ACAP2: variants seen among roughly 807,000 people sequenced by gnomAD.
ACAP2 encodes the protein ArfGAP with coiled-coil, ankyrin repeat and PH domains 2.
Under a neutral mutation model 115.8 loss-of-function variants are expected in ACAP2, and 39 were observed. The ratio of observed to expected loss-of-function variants is 0.34; its 90% confidence interval spans 0.26 to 0.44. The LOEUF (loss-of-function observed/expected upper bound fraction) is 0.44. Among genes scored for constraint, ACAP2 ranks in the 20% least tolerant of loss-of-function variants. ACAP2 has a pLI of 1.00. For synonymous variants in ACAP2, 289 were observed against 315.8 expected, an observed-to-expected ratio of 0.92 and a Z score of 0.90; for missense variants, 662 against 927.6, an observed-to-expected ratio of 0.71 and a Z score of 3.72.
At chr3:195,441,043 GA>G (rs1715953278) in intron 1 of ACAP2, among the ~76,000 whole-genome samples, 1 of 151,364 alleles carries the variant, frequency 6.6e-6, no homozygotes, top group South Asian at 2.1e-4. Flanking sequence ...TATATTCAAT[GA>G]TTTCTTTATT....
At chr3:195,369,474 A>G (rs2108723415) in intron 4 of ACAP2, among the ~76,000 whole-genome samples, 1 of 152,192 alleles carries the variant, frequency 6.6e-6, no homozygotes, top group East Asian at 1.9e-4. Context: ...TTGTGTCCAC[A>G]TGTTCTCATT....
At chr3:195,299,590 G>A (rs1252321073) in intron 15 of ACAP2, among the ~76,000 whole-genome samples, 4 of 150,850 alleles carry the variant, frequency 2.7e-5, no homozygotes, top group Non-Finnish European at 2.9e-5. Context: ...TGTAATCCCA[G>A]CACTTTGGGA....
At chr3:195,317,356 T>A (rs879842782) in intron 10 of ACAP2, among the ~76,000 whole-genome samples, 5 of 152,204 alleles carry the variant, frequency 3.3e-5, no homozygotes, top group South Asian at 2.1e-4. Flanking sequence ...TCCATTTTTT[T>A]AAAATAAAAA....
intron 1 of ACAP2, among the ~76,000 whole-genome samples, chr3:195,435,182 T>TC (rs1256738633): frequency 6.6e-6 from 1 of 151,640 alleles, no homozygotes; most frequent in Admixed American, 6.6e-5. Flanking sequence ...TTTTGAGATC[T>TC]CTTTTTTTTT....
At chr3:195,344,682 C>A (rs889034771) in intron 5 of ACAP2, among the ~76,000 whole-genome samples, 4 of 152,046 alleles carry the variant, frequency 2.6e-5, no homozygotes, top group Non-Finnish European at 5.9e-5. Context: ...CACCCCGCCC[C>A]GCTAATTTTG....
intron 1 of ACAP2, among the ~76,000 whole-genome samples, chr3:195,395,896 T>C (rs1371485861): frequency 6.6e-6 from 1 of 152,226 alleles, no homozygotes; most frequent in Non-Finnish European, 1.5e-5. Context: ...TTCATTCTCT[T>C]ATCTATTCAT....
At chr3:195,351,128 T>TTTTTTTG in intron 4 of ACAP2, among the ~76,000 whole-genome samples, 1 of 143,088 alleles carries the variant, frequency 7.0e-6, no homozygotes, top group African/African-American at 2.7e-5. Flanking sequence ...TTTTTTTTTT[T>TTTTTTTG]TGGGCGGGGG....
chr3:195,327,104 G>C (rs1325128015), intron 8 of ACAP2, 145 bp from the exon 9 acceptor site: 2 of 752,462 alleles, frequency 2.7e-6, no homozygotes, highest in Admixed American at 2.9e-5. Flanking sequence ...TTTTGAAGTA[G>C]AAGTTCATAT....
chr3:195,301,895 C>T, intron 14 of ACAP2, 71 bp downstream of exon 14: 1 of 1,525,224 alleles, frequency 6.6e-7, no homozygotes. Context: ...GGGCAACTAA[C>T]AAGTGAAACA....
chr3:195,320,461 C>T (rs913395734), intron 10 of ACAP2, among the ~76,000 whole-genome samples: 6 of 148,556 alleles, frequency 4.0e-5, no homozygotes, highest in African/African-American at 1.6e-4. Flanking sequence ...ATTCTCCTTG[C>T]TTCCTTATTT....
At chr3:195,439,930 G>A (rs1715874601) in intron 1 of ACAP2, among the ~76,000 whole-genome samples, 1 of 152,112 alleles carries the variant, frequency 6.6e-6, no homozygotes, top group African/African-American at 2.4e-5. Flanking sequence ...TTCAGCCCAA[G>A]AGTATGTTTA....
intron 10 of ACAP2, among the ~76,000 whole-genome samples, chr3:195,312,673 A>C (rs934093949): frequency 6.6e-6 from 1 of 152,218 alleles, no homozygotes; most frequent in African/African-American, 2.4e-5. Context: ...TTTAAAAAAA[A>C]AAGTAAATTA....
intron 16 of ACAP2, 118 bp from the exon 17 acceptor site, chr3:195,296,010 A>G (rs1727636025): frequency 2.7e-6 from 2 of 748,138 alleles, no homozygotes; most frequent in African/African-American, 3.6e-5. Flanking sequence ...ATACTGGTTA[A>G]AACTGAATCT....
chr3:195,300,334 C>T (rs530375921), intron 15 of ACAP2, among the ~76,000 whole-genome samples: 3 of 152,174 alleles, frequency 2.0e-5, no homozygotes, highest in South Asian at 4.2e-4. Context: ...CATGAGCCAC[C>T]GCACCCGGCC....
At chr3:195,410,554 A>G (rs1392912916) in intron 1 of ACAP2, among the ~76,000 whole-genome samples, 1 of 152,210 alleles carries the variant, frequency 6.6e-6, no homozygotes, top group Non-Finnish European at 1.5e-5. Flanking sequence ...AAAACTCAAC[A>G]ACAAAGACAC....
At chr3:195,331,465 A>G (rs1730161930) in intron 8 of ACAP2, among the ~76,000 whole-genome samples, 1 of 151,788 alleles carries the variant, frequency 6.6e-6, no homozygotes, top group Non-Finnish European at 1.5e-5. Flanking sequence ...GGCATATGCC[A>G]CCACGCCTGG....
chr3:195,285,714 G>T lies in ACAP2; in HGVS notation c.2236+82C>A, dbSNP rs1203487789. On this transcript the variant is annotated intron_variant, in intron 22 of 22. Transcript: ENST00000326793. ...TCACATTAGTTTGCTAAAGAACTAT[G>T]AATCTTCCAGTTGTAAACTGATAAA... 7 of 1,158,932 alleles carry T rather than the reference G, an allele frequency of 6.0e-6. No individual in the cohort carries two copies. The African/African-American group carries it at 9.4e-5, about 15-fold the overall frequency. 71.8% of individuals were successfully genotyped at this position (1,158,932 alleles called of 1,614,324 possible).
intron 4 of ACAP2, among the ~76,000 whole-genome samples, chr3:195,348,430 G>A (rs1179942886): frequency 6.6e-6 from 1 of 151,890 alleles, no homozygotes; most frequent in African/African-American, 2.4e-5. Context: ...TTGAAAGGTA[G>A]AAAGAACAGT....
At chr3:195,386,022 A>T (rs1241702026) in intron 2 of ACAP2, among the ~76,000 whole-genome samples, 1 of 152,272 alleles carries the variant, frequency 6.6e-6, no homozygotes, top group East Asian at 1.9e-4. Context: ...ATGGATAAAC[A>T]AAATGAGGTA....
Sources: gnomAD v4.1 joint callset for allele counts (sites outside exome capture counted in the v4.1 genomes callset) on GRCh38, gnomAD v4.1.1 for gene constraint, MANE v1.5 for transcripts, NCBI Gene and HGNC (gene_info 2026-07-23, HGNC 2026-07-21) for gene names.